The following ITGAE variants were observed in gnomAD, a reference collection of about 807,000 sequenced individuals.
ITGAE encodes integrin subunit alpha E.
A neutral mutation model predicts 136.5 loss-of-function variants in ITGAE; 99 were observed. That is an observed-to-expected ratio of 0.73 (90% CI 0.62 to 0.86). ITGAE has a LOEUF of 0.86. ITGAE is among the 40% of genes least tolerant of loss of function. The probability of loss-of-function intolerance (pLI) is 0.00; values close to 1 mark genes in which losing one functional copy is unlikely to be tolerated. For missense variants in ITGAE, 1,447 were observed against 1,515.3 expected (o/e 0.95, Z 0.75); for synonymous variants, 613 against 591.8 (o/e 1.04, Z -0.52).
At chr17:3,778,626 CTCATT>C (rs1387284757) in intron 1 of ITGAE, among the ~76,000 whole-genome samples, 1 of 152,114 alleles carries the variant, frequency 6.6e-6, no homozygotes, top group South Asian at 2.1e-4. Context: ...CTTCTTTCTT[CTCATT>C]TATGTGTGAT....
intron 16 of ITGAE, among the ~76,000 whole-genome samples, chr17:3,749,317 C>T (rs190656777): frequency 6.6e-5 from 10 of 151,548 alleles, no homozygotes; most frequent in Admixed American, 2.6e-4. Flanking sequence ...TGCAGTGGCG[C>T]GATCTCCGCT....
At chr17:3,743,428 C>G (rs1361473227) in intron 19 of ITGAE, 61 bp downstream of exon 19, 2 of 1,499,858 alleles carry the variant, frequency 1.3e-6, no homozygotes, top group Non-Finnish European at 1.8e-6. Flanking sequence ...GTTAGGGGAG[C>G]AGGTGGTTTC....
At chr17:3,795,771 G>A (rs1293235931) in intron 1 of ITGAE, among the ~76,000 whole-genome samples, 1 of 143,182 alleles carries the variant, frequency 7.0e-6, no homozygotes, top group Admixed American at 6.7e-5. Context: ...GACTGTGTAC[G>A]TGCGTGTGTG....
intron 26 of ITGAE, chr17:3,724,903 T>TCA (rs2051170523): frequency 6.2e-7 from 1 of 1,613,456 alleles, no homozygotes; most frequent in African/African-American, 1.3e-5. Flanking sequence ...AAGGGCCGCA[T>TCA]TGTGCCAAGG....
At chr17:3,717,759 C>T (rs908221377) in intron 29 of ITGAE, 1 of 152,148 alleles carries the variant, frequency 6.6e-6, no homozygotes, top group Non-Finnish European at 1.5e-5. Context: ...ACCTTCCAGT[C>T]CTATTTAGCT....
intron 1 of ITGAE, among the ~76,000 whole-genome samples, chr17:3,783,823 G>A (rs2052717681): frequency 6.6e-6 from 1 of 152,196 alleles, no homozygotes; most frequent in Admixed American, 6.5e-5. Flanking sequence ...CTAGGAAGAT[G>A]TGACAATTTT....
chr17:3,771,920 C>A (rs1006926108), intron 2 of ITGAE, among the ~76,000 whole-genome samples: 1 of 152,140 alleles, frequency 6.6e-6, no homozygotes, highest in African/African-American at 2.4e-5. Flanking sequence ...CATCTTCGTG[C>A]AACACAAAAC....
At chr17:3,717,844 A>T (rs903196055) in intron 29 of ITGAE, 1 of 150,718 alleles carries the variant, frequency 6.6e-6, no homozygotes, top group Non-Finnish European at 1.5e-5. Flanking sequence ...ACAAAGAGGG[A>T]GGAAGAACAG....
At chr17:3,744,366 C>T (rs970145641) in intron 18 of ITGAE, among the ~76,000 whole-genome samples, 2 of 151,960 alleles carry the variant, frequency 1.3e-5, no homozygotes, top group Non-Finnish European at 2.9e-5. Flanking sequence ...TGGTTCTTAT[C>T]CCAGTCACAA....
intron 1 of ITGAE, among the ~76,000 whole-genome samples, chr17:3,794,679 G>A (rs982811449): frequency 2.6e-5 from 4 of 152,220 alleles, no homozygotes; most frequent in East Asian, 1.9e-4. Context: ...ACGCCCAGTA[G>A]GGAGTCTGGG....
At chr17:3,738,341 T>C (rs1373491319) in intron 20 of ITGAE, among the ~76,000 whole-genome samples, 1 of 152,120 alleles carries the variant, frequency 6.6e-6, no homozygotes, top group African/African-American at 2.4e-5. Flanking sequence ...CAGCTAATTT[T>C]TGTATTTTTA....
intron 29 of ITGAE, chr17:3,717,886 A>AG (rs2050972369): frequency 6.6e-6 from 1 of 152,310 alleles, no homozygotes; most frequent in African/African-American, 2.4e-5. Context: ...CAGGAGAAGG[A>AG]GGGGGACTCA....
At chr17:3,723,616 A>C in intron 27 of ITGAE, 72 bp downstream of exon 27, 1 of 1,425,808 alleles carries the variant, frequency 7.0e-7, no homozygotes, top group Admixed American at 2.4e-5. Flanking sequence ...CAGGAAAAAC[A>C]GTCTCCTGGC....
At chr17:3,752,005 C>T (rs1434267660) in intron 14 of ITGAE, 131 bp from the exon 15 acceptor site, 12 of 759,726 alleles carry the variant, frequency 1.6e-5, no homozygotes, top group Non-Finnish European at 2.6e-5. Context: ...GCTCGCTGGG[C>T]CGGTGGGTTC....
intron 10 of ITGAE, among the ~76,000 whole-genome samples, chr17:3,756,567 A>T (rs1227588586): frequency 6.6e-6 from 1 of 151,800 alleles, no homozygotes; most frequent in African/African-American, 2.4e-5. Context: ...ACGCCTGGCT[A>T]CATTTTTTTG....
intron 2 of ITGAE, among the ~76,000 whole-genome samples, chr17:3,766,040 C>T (rs546443416): frequency 6.6e-6 from 1 of 152,106 alleles, no homozygotes; most frequent in Non-Finnish European, 1.5e-5. Context: ...AATTAAGGAT[C>T]ATGAGATGGG....
intron 1 of ITGAE, among the ~76,000 whole-genome samples, chr17:3,797,855 G>A (rs2053159361): frequency 1.3e-5 from 2 of 152,148 alleles, no homozygotes; most frequent in Non-Finnish European, 2.9e-5. Flanking sequence ...CTCCTCACGG[G>A]CCTCTCTGCC....
chr17:3,757,923 G>T (rs1001021536), intron 8 of ITGAE, 64 bp from the exon 9 acceptor site: 1 of 1,563,128 alleles, frequency 6.4e-7, no homozygotes, highest in Non-Finnish European at 8.8e-7. Flanking sequence ...CTCCAGGAGA[G>T]ACTTTATTCT....
intron 21 of ITGAE, among the ~76,000 whole-genome samples, chr17:3,733,052 C>T (rs1311428987): frequency 4.6e-5 from 7 of 152,170 alleles, no homozygotes; most frequent in Admixed American, 6.5e-5. Flanking sequence ...GGCGCGATCT[C>T]GGCTCACTGC....
Sources: allele counts gnomAD v4.1 joint callset (sites outside exome capture counted in the v4.1 genomes callset), GRCh38; gene constraint gnomAD v4.1.1; transcripts MANE v1.5; gene names NCBI Gene and HGNC (gene_info 2026-07-23, HGNC 2026-07-21).